PARD3B: variants seen among roughly 807,000 people sequenced by gnomAD.
The protein encoded by PARD3B is par-3 family cell polarity regulator beta, also known as partitioning defective 3 homolog B.
In PARD3B, 103 loss-of-function variants were observed where a neutral mutation model predicts 130.2. The ratio of observed to expected loss-of-function variants is 0.79; its 90% confidence interval spans 0.67 to 0.93. The LOEUF is 0.93. Ranked by LOEUF, PARD3B falls within the 40% of genes least tolerant of loss-of-function variation. The probability of loss-of-function intolerance (pLI) is 0.00; values close to 1 mark genes in which losing one functional copy is unlikely to be tolerated. For synonymous variants in PARD3B, 583 were observed against 553.2 expected (o/e 1.05, Z -0.76); for missense variants, 1,609 against 1,499.2 (o/e 1.07, Z -1.21).
intron 22 of PARD3B, among the ~76,000 whole-genome samples, chr2:205,600,718 T>C (rs1162549478): frequency 6.6e-6 from 1 of 152,222 alleles, no homozygotes; most frequent in Non-Finnish European, 1.5e-5. Context: ...TGTGTTCTCA[T>C]TGTTCAGTTC....
chr2:204,587,646 T>C (rs972358858), intron 1 of PARD3B, among the ~76,000 whole-genome samples: 7 of 152,212 alleles, frequency 4.6e-5, no homozygotes, highest in African/African-American at 1.7e-4. Flanking sequence ...GCCAATTGTT[T>C]TCCCTTTGCT....
At chr2:205,175,474 G>A (rs1346842575) in intron 12 of PARD3B, among the ~76,000 whole-genome samples, 1 of 152,180 alleles carries the variant, frequency 6.6e-6, no homozygotes, top group African/African-American at 2.4e-5. Flanking sequence ...TAGATATTTT[G>A]TGTGACTAGC....
chr2:205,128,641 G>A lies in PARD3B; in HGVS notation c.1434+2904G>A, dbSNP rs2031691547. Among the ~76,000 whole-genome samples, 1 of 152,036 alleles carries A rather than the reference G, an allele frequency of 6.6e-6. No individual in the cohort carries two copies. Among genetic ancestry groups the A allele is most frequent in the Admixed American group, 6.5e-5 (1 of 15,268 alleles). On this transcript the variant is annotated intron_variant, in intron 10 of 22. Coordinates refer to ENST00000406610, the MANE Select transcript of PARD3B (RefSeq NM_001302769.2). This position sits in a 1 kb window ranked among gnomAD's most constrained non-coding sequence, Gnocchi z 4.5. ...AGGCAAAGCTTGTAGCATAGTTTCT[G>A]GCTAATTGTAAGTTCTCAAAATACG... is the stretch of plus-strand genomic sequence containing the variant.
intron 18 of PARD3B, among the ~76,000 whole-genome samples, chr2:205,355,726 A>G (rs1289706889): frequency 6.6e-6 from 1 of 152,224 alleles, no homozygotes; most frequent in African/African-American, 2.4e-5. Flanking sequence ...TGGGTAATTT[A>G]TAAAGGAAAG....
At chr2:205,172,449 C>G (rs907878404) in intron 12 of PARD3B, 68 bp downstream of exon 12, 2 of 1,458,736 alleles carry the variant, frequency 1.4e-6, no homozygotes, top group Non-Finnish European at 1.9e-6. Flanking sequence ...GACTTCCATT[C>G]CTAGTATGGC....
intron 1 of PARD3B, among the ~76,000 whole-genome samples, chr2:204,619,559 C>G (rs943342048): frequency 1.3e-5 from 2 of 152,046 alleles, no homozygotes; most frequent in African/African-American, 4.8e-5. Context: ...TAAGTTGACT[C>G]ACTGGTAAGG....
At chr2:204,899,053 G>GTT (rs71032413) in intron 2 of PARD3B, among the ~76,000 whole-genome samples, 1 of 147,900 alleles carries the variant, frequency 6.8e-6, no homozygotes, top group East Asian at 2.0e-4. Flanking sequence ...GGAATATTAG[G>GTT]TTTTTTTTTT....
chr2:205,203,100 A>G (rs1351355038), intron 15 of PARD3B, among the ~76,000 whole-genome samples: 1 of 152,006 alleles, frequency 6.6e-6, no homozygotes, highest in Non-Finnish European at 1.5e-5. Context: ...GAAATGTAAG[A>G]CTCTATTTCC....
intron 18 of PARD3B, among the ~76,000 whole-genome samples, chr2:205,368,096 T>C (rs890778456): frequency 1.3e-5 from 2 of 152,168 alleles, no homozygotes; most frequent in Non-Finnish European, 2.9e-5. Context: ...GCTATTAAAA[T>C]TCAAAAGTTT....
intron 1 of PARD3B, among the ~76,000 whole-genome samples, chr2:204,572,107 T>C (rs2032037558): frequency 1.3e-5 from 2 of 152,180 alleles, no homozygotes; most frequent in Admixed American, 6.5e-5. Flanking sequence ...GAAAGTAAAC[T>C]GAAGAGTTCA....
chr2:205,026,530 C>T (rs1198222250), intron 3 of PARD3B, among the ~76,000 whole-genome samples: 5 of 152,104 alleles, frequency 3.3e-5, no homozygotes, highest in African/African-American at 1.2e-4. Context: ...GTGCATGTGT[C>T]TATATGGTGA....
At chr2:204,762,371 G>C (rs547603096) in intron 2 of PARD3B, among the ~76,000 whole-genome samples, 36 of 151,928 alleles carry the variant, frequency 2.4e-4, no homozygotes, top group African/African-American at 6.8e-4. Context: ...CAATCCACCC[G>C]GCTTGGCCTT....
At chr2:205,148,274 T>G (rs2033509192) in intron 10 of PARD3B, among the ~76,000 whole-genome samples, 1 of 152,178 alleles carries the variant, frequency 6.6e-6, no homozygotes, top group Non-Finnish European at 1.5e-5. Context: ...AAATGTCCTT[T>G]ACTATTTAGT....
At chr2:204,780,558 G>GT (rs1266933215) in intron 2 of PARD3B, among the ~76,000 whole-genome samples, 1 of 152,062 alleles carries the variant, frequency 6.6e-6, no homozygotes, top group African/African-American at 2.4e-5. Context: ...CACTAGTTCT[G>GT]TTTATTTGTT....
At chr2:205,305,970 G>T (rs2042170231) in intron 18 of PARD3B, among the ~76,000 whole-genome samples, 1 of 152,152 alleles carries the variant, frequency 6.6e-6, no homozygotes, top group South Asian at 2.1e-4. Flanking sequence ...GTGGAATTAA[G>T]GTTGTTGATC....
intron 22 of PARD3B, among the ~76,000 whole-genome samples, chr2:205,579,415 G>A (rs939560176): frequency 6.6e-6 from 1 of 152,154 alleles, no homozygotes; most frequent in Admixed American, 6.5e-5. Flanking sequence ...TAATAAACAA[G>A]CTGAAGGAGC....
chr2:204,629,879 AC>A (rs1395021606), intron 1 of PARD3B, among the ~76,000 whole-genome samples: 1 of 152,192 alleles, frequency 6.6e-6, no homozygotes, highest in Non-Finnish European at 1.5e-5. Flanking sequence ...AATACTATAG[AC>A]TTTTTTCTGA....
rs142571884 is a variant in PARD3B at position 204,892,663 on chromosome 2, G to A, written c.223-72489G>A. On this transcript the variant is annotated intron_variant, in intron 2 of 22. Transcript: ENST00000406610. The stretch of plus-strand genomic sequence containing the variant: ...AGTGTCAAATGGTTTGGATCAGGGT[G>A]ATGTCAGTGGAGATGAAGAGATGTG... Among the ~76,000 whole-genome samples, 96 of 152,298 alleles carry A rather than the reference G, an allele frequency of 6.3e-4. 1 individual carries two copies. The highest frequency in any genetic ancestry group is 2.4e-3 in the Admixed American group (37 of 15,290).
At chr2:205,051,073 T>A (rs993958577) in intron 4 of PARD3B, among the ~76,000 whole-genome samples, 3 of 152,148 alleles carry the variant, frequency 2.0e-5, no homozygotes, top group African/African-American at 7.2e-5. Context: ...CAAGGAAACC[T>A]TGGGAACATA....
Sources: gnomAD v4.1 joint callset for allele counts (sites outside exome capture counted in the v4.1 genomes callset) on GRCh38, gnomAD v4.1.1 for gene constraint, Gnocchi (gnomAD v3.1) non-coding constraint, MANE v1.5 for transcripts, NCBI Gene and HGNC (gene_info 2026-07-23, HGNC 2026-07-21) for gene names.